MTSS1: variants seen among roughly 807,000 people sequenced by gnomAD.
MTSS1 encodes protein MTSS 1.
In MTSS1, 18 loss-of-function variants were observed where a neutral mutation model predicts 79.0. The ratio of observed to expected loss-of-function variants is 0.23; its 90% CI spans 0.16 to 0.34. The LOEUF is 0.34. MTSS1 is among the 10% of genes least tolerant of loss of function. The pLI is 1.00. For synonymous variants in MTSS1, 341 were observed against 368.6 expected (o/e 0.93, Z 0.86); for missense variants, 815 against 986.2 (o/e 0.83, Z 2.33).
intron 12 of MTSS1, 41 bp from the exon 13 acceptor site, chr8:124,555,945 G>T (rs555603016): frequency 1.5e-5 from 24 of 1,594,958 alleles, no homozygotes; most frequent in Middle Eastern, 1.7e-4. Context: ...TGCTTTAGGG[G>T]GGGGGCTCAA....
intron 3 of MTSS1, among the ~76,000 whole-genome samples, chr8:124,645,827 C>G (rs1338370173): frequency 6.6e-6 from 1 of 152,154 alleles, no homozygotes; most frequent in East Asian, 1.9e-4. Flanking sequence ...AGACAAAACC[C>G]TCGCCCAGCT....
At chr8:124,655,774 A>G (rs1435925760) in intron 3 of MTSS1, among the ~76,000 whole-genome samples, 3 of 152,128 alleles carry the variant, frequency 2.0e-5, no homozygotes, top group Non-Finnish European at 2.9e-5. Context: ...AGGATGTGGG[A>G]GAAAGGGTAG....
intron 3 of MTSS1, among the ~76,000 whole-genome samples, chr8:124,609,401 A>G (rs1455183904): frequency 6.6e-6 from 1 of 152,230 alleles, no homozygotes; most frequent in Non-Finnish European, 1.5e-5. Context: ...TCGACAGCAG[A>G]AGAGTTAAGG....
chr8:124,558,686 C>A (rs761081477), intron 10 of MTSS1: 1 of 1,515,078 alleles, frequency 6.6e-7, no homozygotes, highest in East Asian at 2.5e-5. Context: ...AGAGTGGGGC[C>A]GCTGTGGCTG....
chr8:124,604,045 C>T (rs1266273295), intron 3 of MTSS1, among the ~76,000 whole-genome samples: 1 of 152,066 alleles, frequency 6.6e-6, no homozygotes, highest in East Asian at 1.9e-4. Flanking sequence ...AACCCCATCT[C>T]TACTAAAAAT....
intron 3 of MTSS1, among the ~76,000 whole-genome samples, chr8:124,694,345 T>C (rs1828456829): frequency 6.6e-6 from 1 of 152,056 alleles, no homozygotes; most frequent in African/African-American, 2.4e-5. Context: ...GCCTCTGTAA[T>C]TACTTTCATG....
chr8:124,589,439 G>A lies in MTSS1; in HGVS notation c.385+181C>T, dbSNP rs147767243. Among the ~76,000 whole-genome samples the A allele has an allele frequency of 8.8e-3, 1,338 of 152,234 alleles. 10 individuals are homozygous for A. Among genetic ancestry groups the A allele is most frequent in the Non-Finnish European group, 0.014 (981 of 68,016 alleles). ...AAGAAACAGCACTCAGCCTCACAAC[G>A]GGATCACTTTGTTCTCCTCATCCCC... On this transcript the variant is annotated intron_variant, in intron 5 of 13. Transcript: ENST00000518547.
rs1055527432 is a variant in MTSS1, at chr8:124,728,045, C to A, written c.-90G>T. The stretch of plus-strand genomic sequence containing the variant: ...CTCGCTCACCCCAGAAGGAATTTCA[C>A]CTTCCGAGAGACCCACCTCGGACTC... On this transcript the variant is annotated 5_prime_UTR_variant, in exon 1 of 14. Transcript: ENST00000518547. The surrounding 1 kb of genome is among the most constrained non-coding windows in gnomAD (Gnocchi z 6.1). The A allele has an allele frequency of 8.3e-7, 1 of 1,206,448 alleles. No homozygotes were observed. The highest frequency in any genetic ancestry group is 1.2e-6 in the Non-Finnish European group (1 of 844,010). The allele number at this position is 1,206,448 out of a possible 1,614,324, so 74.7% of individuals were successfully genotyped here.
intron 9 of MTSS1, chr8:124,564,691 TCACACACACACACA>T (rs56708127): frequency 3.5e-5 from 5 of 144,306 alleles, no homozygotes; most frequent in African/African-American, 1.3e-4. Context: ...TCTCTTTCAC[TCACACACACACACA>T]CACACACACA....
At chr8:124,615,156 G>A (rs1474151914) in intron 3 of MTSS1, among the ~76,000 whole-genome samples, 1 of 152,190 alleles carries the variant, frequency 6.6e-6, no homozygotes, top group Non-Finnish European at 1.5e-5. Context: ...TGCCAGGGAT[G>A]TGGCATGGCA....
At chr8:124,593,066 G>C (rs1238233198) in intron 3 of MTSS1, among the ~76,000 whole-genome samples, 1 of 152,188 alleles carries the variant, frequency 6.6e-6, no homozygotes, top group Admixed American at 6.5e-5. Context: ...GGGATGCCAC[G>C]GCCATCTCAG....
intron 3 of MTSS1, among the ~76,000 whole-genome samples, chr8:124,679,845 G>C (rs556951735): frequency 6.6e-6 from 1 of 152,296 alleles, no homozygotes; most frequent in South Asian, 2.1e-4. Flanking sequence ...TCTTCAACAG[G>C]AGAAAATTCA....
At chr8:124,600,358 A>G (rs62530666) in intron 3 of MTSS1, among the ~76,000 whole-genome samples, 19,224 of 152,222 alleles carry the variant, frequency 0.13, 1,273 homozygotes, top group Non-Finnish European at 0.13. Flanking sequence ...TACATAGCTT[A>G]TAATTAAATT....
intron 3 of MTSS1, among the ~76,000 whole-genome samples, chr8:124,695,265 G>A (rs138179467): frequency 8.6e-4 from 131 of 152,128 alleles, no homozygotes; most frequent in African/African-American, 3.1e-3. Flanking sequence ...TTGAAATGCT[G>A]GGCACTTGCC....
intron 3 of MTSS1, among the ~76,000 whole-genome samples, chr8:124,615,454 G>A (rs1000361542): frequency 1.3e-5 from 2 of 152,046 alleles, no homozygotes; most frequent in Non-Finnish European, 2.9e-5. Context: ...AATGCTAAGT[G>A]AAATAAGCCC....
At chr8:124,674,306 T>C (rs1824866133) in intron 3 of MTSS1, among the ~76,000 whole-genome samples, 1 of 152,140 alleles carries the variant, frequency 6.6e-6, no homozygotes, top group South Asian at 2.1e-4. Context: ...AATTTTCTCT[T>C]ATGTCAATTC....
chr8:124,591,135 A>C lies in MTSS1; in HGVS notation c.293+16T>G. On this transcript the variant is annotated intron_variant, in intron 4 of 13. Transcript: ENST00000518547. ...TGCAAGGGTGTTGGCGATCGGGGCC[A>C]AAACATGCTCCTCACCTCGAAAACT... The C allele has an allele frequency of 6.2e-7, 1 of 1,613,212 alleles. No homozygotes were observed. The highest frequency in any genetic ancestry group is 8.5e-7 in the Non-Finnish European group (1 of 1,179,184).
intron 3 of MTSS1, among the ~76,000 whole-genome samples, chr8:124,681,286 A>C (rs1268072282): frequency 6.6e-6 from 1 of 152,030 alleles, no homozygotes; most frequent in African/African-American, 2.4e-5. Context: ...AGAAATGCCA[A>C]CCTCAGGACT....
chr8:124,635,650 G>A (rs1003456910), intron 3 of MTSS1, among the ~76,000 whole-genome samples: 9 of 152,120 alleles, frequency 5.9e-5, no homozygotes, highest in Non-Finnish European at 1.3e-4. Flanking sequence ...TTGAGGCTAA[G>A]GAGAGTAGCT....
Sources: gnomAD v4.1 joint callset for allele counts (sites outside exome capture counted in the v4.1 genomes callset) on GRCh38, gnomAD v4.1.1 for gene constraint, Gnocchi (gnomAD v3.1) non-coding constraint, MANE v1.5 for transcripts, NCBI Gene and HGNC (gene_info 2026-07-23, HGNC 2026-07-21) for gene names.